FHIP1A: variants seen among roughly 807,000 people sequenced by gnomAD.
FHIP1A encodes the protein FHF complex subunit HOOK-interacting protein 1A.
A neutral mutation model predicts 88.6 loss-of-function variants in FHIP1A; 61 were observed. The observed-to-expected ratio is 0.69, with a 90% CI of 0.56 to 0.85. FHIP1A has a LOEUF of 0.85. FHIP1A is among the 40% of genes least tolerant of loss of function. FHIP1A has a pLI of 0.00. For missense variants in FHIP1A, 1,154 were observed against 1,273.5 expected, an observed-to-expected ratio of 0.91 and a Z score of 1.43; for synonymous variants, 478 against 496.0, an observed-to-expected ratio of 0.96 and a Z score of 0.48.
intron 3 of FHIP1A, among the ~76,000 whole-genome samples, chr4:151,544,750 T>C (rs1732423496): frequency 2.6e-5 from 4 of 152,180 alleles, no homozygotes. Flanking sequence ...CTGGCTCAGC[T>C]TGACTTAATC....
At chr4:151,526,462 T>C (rs7676250) in intron 3 of FHIP1A, among the ~76,000 whole-genome samples, 15 of 120,242 alleles carry the variant, frequency 1.2e-4, no homozygotes, top group East Asian at 8.7e-4. Flanking sequence ...CCCTCCCGGA[T>C]GAGGCGGCTG....
intron 5 of FHIP1A, among the ~76,000 whole-genome samples, chr4:151,584,633 C>T (rs537407257): frequency 1.3e-4 from 20 of 152,250 alleles, no homozygotes; most frequent in Middle Eastern, 3.4e-3. Flanking sequence ...ATCAGCCCCA[C>T]GTATCTGAAT....
At chr4:151,513,452 A>G (rs1354122133) in intron 3 of FHIP1A, among the ~76,000 whole-genome samples, 1 of 152,232 alleles carries the variant, frequency 6.6e-6, no homozygotes, top group Admixed American at 6.5e-5. Context: ...ACATATAACT[A>G]TATTAACTTT....
Position 151,578,053 on chromosome 4 carries a change from G to C in FHIP1A, c.709G>C (p.Val237Leu). The stretch of plus-strand genomic sequence containing the variant: ...GAACACCATGGTGGCCCATCACATC[G>C]TGGAGAACACCTACTTTTGTCCAGT... Reference protein sequence around the residue: ...AENTMVAHHIVENTYFCPVLA... With the variant: ...AENTMVAHHILENTYFCPVLA... The change falls in exon 5 of 14, where the codon GTG (valine) becomes CTG (leucine). Residue 237 changes from valine (V) to leucine (L), a missense_variant. Coordinates refer to ENST00000435205, the MANE Select transcript of FHIP1A (RefSeq NM_001109977.3). 6.5e-7 allele frequency: 1 copy of C among 1,550,382 alleles called. No homozygotes were observed. Among genetic ancestry groups the C allele is most frequent in the South Asian group, 1.2e-5 (1 of 84,028 alleles).
At chr4:151,548,712 A>C (rs1732604497) in intron 3 of FHIP1A, among the ~76,000 whole-genome samples, 1 of 152,100 alleles carries the variant, frequency 6.6e-6, no homozygotes, top group Non-Finnish European at 1.5e-5. Flanking sequence ...ACCTGAGGTC[A>C]GGAGTTTGAG....
chr4:151,633,709 C>G (rs549371700), intron 8 of FHIP1A, among the ~76,000 whole-genome samples: 6 of 151,822 alleles, frequency 4.0e-5, no homozygotes, highest in Non-Finnish European at 8.8e-5. Flanking sequence ...AAACCCACAG[C>G]GTCATCTCAA....
chr4:151,415,326 A>G (rs1732848501), intron 1 of FHIP1A, among the ~76,000 whole-genome samples: 1 of 152,062 alleles, frequency 6.6e-6, no homozygotes, highest in Admixed American at 6.6e-5. Context: ...AGCTAGGACT[A>G]CAGGTGTGCA....
chr4:151,586,011 C>G (rs1578784929), intron 5 of FHIP1A, among the ~76,000 whole-genome samples: 1 of 152,110 alleles, frequency 6.6e-6, no homozygotes, highest in East Asian at 1.9e-4. Context: ...GATTGCTGAC[C>G]CCCAATTCTT....
At chr4:151,634,969 G>A (rs150057629) in intron 8 of FHIP1A, among the ~76,000 whole-genome samples, 50 of 151,810 alleles carry the variant, frequency 3.3e-4, no homozygotes, top group Non-Finnish European at 6.3e-4. Context: ...CCTACAGAAT[G>A]GGAGAAAATA....
At chr4:151,634,491 C>T (rs1001538485) in intron 8 of FHIP1A, among the ~76,000 whole-genome samples, 7 of 151,634 alleles carry the variant, frequency 4.6e-5, no homozygotes, top group African/African-American at 1.7e-4. Context: ...TTGGAGAGCT[C>T]ACATTTCCTT....
chr4:151,577,370 A>T (rs1276240841), intron 4 of FHIP1A, 80 bp from the exon 5 acceptor site: 4 of 1,383,220 alleles, frequency 2.9e-6, no homozygotes, highest in Non-Finnish European at 3.9e-6. Context: ...TTTGGTGACA[A>T]TTTGGTAAAA....
intron 3 of FHIP1A, among the ~76,000 whole-genome samples, chr4:151,512,743 G>A (rs1263704555): frequency 1.3e-5 from 2 of 152,062 alleles, no homozygotes; most frequent in African/African-American, 4.8e-5. Context: ...GAGAAGGGAA[G>A]TTTAGAGAAA....
At position 151,577,433 on chromosome 4, in the gene FHIP1A, G is replaced by C; in HGVS notation, c.106-17G>C. ...GATAAACATCAGATGGATGACAAAT[G>C]CTTGACTTGGTTACAGGTTGTGAAA... On this transcript the variant is annotated splice_polypyrimidine_tract_variant and intron_variant, in intron 4 of 13. Transcript: ENST00000435205. The C allele has an allele frequency of 2.0e-6, 3 of 1,507,052 alleles. No homozygotes were observed. Among genetic ancestry groups the C allele is most frequent in the Non-Finnish European group, 2.7e-6 (3 of 1,123,684 alleles). 93.4% of individuals were successfully genotyped at this position (1,507,052 alleles called of 1,614,324 possible).
intron 1 of FHIP1A, among the ~76,000 whole-genome samples, chr4:151,424,631 G>A (rs914202183): frequency 3.3e-5 from 5 of 152,076 alleles, no homozygotes; most frequent in Admixed American, 6.5e-5. Flanking sequence ...TTAAAAATAG[G>A]TTTCATGTTA....
At chr4:151,472,629 T>G (rs1009494307) in intron 2 of FHIP1A, among the ~76,000 whole-genome samples, 3 of 151,688 alleles carry the variant, frequency 2.0e-5, no homozygotes, top group Non-Finnish European at 4.4e-5. Flanking sequence ...GCTGTTTTTT[T>G]TTTTTTTTTT....
chr4:151,500,754 A>C (rs945231243), intron 3 of FHIP1A, among the ~76,000 whole-genome samples: 1 of 152,216 alleles, frequency 6.6e-6, no homozygotes, highest in African/African-American at 2.4e-5. Context: ...ATTCCAGGAA[A>C]CATGTTCAGA....
intron 2 of FHIP1A, among the ~76,000 whole-genome samples, chr4:151,467,232 A>G (rs1203899551): frequency 6.6e-6 from 1 of 152,262 alleles, no homozygotes; most frequent in Non-Finnish European, 1.5e-5. Context: ...AAAGCTCAAC[A>G]TCACTGATCG....
chr4:151,485,282 G>GTTTTTTGTT (rs1156914780), intron 3 of FHIP1A, among the ~76,000 whole-genome samples: 1 of 118,730 alleles, frequency 8.4e-6, no homozygotes, highest in African/African-American at 3.4e-5. Context: ...ATCTTTTCCA[G>GTTTTTTGTT]TTTTTTTTTT....
intron 3 of FHIP1A, among the ~76,000 whole-genome samples, chr4:151,531,145 A>T (rs982234749): frequency 6.6e-6 from 1 of 151,974 alleles, no homozygotes; most frequent in Non-Finnish European, 1.5e-5. Flanking sequence ...TTGGGAGCTG[A>T]GGTATTTTAA....
Sources: gnomAD v4.1 joint callset for allele counts (sites outside exome capture counted in the v4.1 genomes callset) on GRCh38, gnomAD v4.1.1 for gene constraint, MANE v1.5 for transcripts, NCBI Gene and HGNC (gene_info 2026-07-23, HGNC 2026-07-21) for gene names.